Variants in HADHA observed in about 807,000 individuals in gnomAD.
The protein encoded by HADHA is trifunctional enzyme subunit alpha, mitochondrial.
Under a neutral mutation model 91.3 loss-of-function variants are expected in HADHA, and 59 were observed. The ratio of observed to expected loss-of-function variants is 0.65; its 90% CI spans 0.52 to 0.80. The LOEUF is 0.80. Among genes scored for constraint, HADHA ranks in the 30% least tolerant of loss-of-function variants. The pLI, the probability that HADHA is intolerant of heterozygous loss-of-function variation, is 0.00. For missense variants in HADHA, 800 were observed against 927.6 expected (o/e 0.86, Z 1.79); for synonymous variants, 320 against 338.9 (o/e 0.94, Z 0.61).
chr2:26,242,199 A>C (rs954270657), intron 1 of HADHA, among the ~76,000 whole-genome samples: 1 of 152,190 alleles, frequency 6.6e-6, no homozygotes, highest in African/African-American at 2.4e-5. Context: ...CCCTTTCAAG[A>C]GAATTTTATC....
At chr2:26,240,987 C>T (rs995789150) in intron 1 of HADHA, among the ~76,000 whole-genome samples, 2 of 152,184 alleles carry the variant, frequency 1.3e-5, no homozygotes, top group African/African-American at 4.8e-5. Flanking sequence ...TCAACCAAAT[C>T]AAGTCACACT....
chr2:26,208,253 A>G (rs113928127), intron 11 of HADHA, among the ~76,000 whole-genome samples: 4 of 152,108 alleles, frequency 2.6e-5, no homozygotes, highest in African/African-American at 9.7e-5. Context: ...CAGAATTTTC[A>G]TAAACTTCAG....
chr2:26,195,289 G>A, intron 14 of HADHA, 57 bp from the exon 15 acceptor site: 3 of 1,431,534 alleles, frequency 2.1e-6, no homozygotes, highest in Non-Finnish European at 2.0e-6. Flanking sequence ...GAACCTGAGA[G>A]CATTCCTTCT....
intron 7 of HADHA, among the ~76,000 whole-genome samples, chr2:26,228,165 C>G (rs1249240420): frequency 6.6e-6 from 1 of 151,464 alleles, no homozygotes; most frequent in Non-Finnish European, 1.5e-5. Context: ...GAGTCTCGCT[C>G]TGTCACCCAG....
intron 17 of HADHA, among the ~76,000 whole-genome samples, chr2:26,192,705 AG>A (rs1022469829): frequency 1.3e-5 from 2 of 152,110 alleles, no homozygotes; most frequent in African/African-American, 4.8e-5. Context: ...ACTGCACTCC[AG>A]CCTGGGCAAC....
At chr2:26,231,349 T>TG (rs1670617615) in intron 6 of HADHA, among the ~76,000 whole-genome samples, 1 of 152,190 alleles carries the variant, frequency 6.6e-6, no homozygotes, top group Non-Finnish European at 1.5e-5. Context: ...TAAGGTTCAG[T>TG]GGGCCCTTGA....
At chr2:26,223,436 G>A (rs1452184354) in intron 7 of HADHA, among the ~76,000 whole-genome samples, 2 of 152,138 alleles carry the variant, frequency 1.3e-5, no homozygotes, top group African/African-American at 4.8e-5. Context: ...AGGAATGAAG[G>A]TCACCCCACC....
chr2:26,227,644 C>T (rs1031924814), intron 7 of HADHA, among the ~76,000 whole-genome samples: 4 of 152,062 alleles, frequency 2.6e-5, no homozygotes, highest in Non-Finnish European at 5.9e-5. Flanking sequence ...AAGAGTATAA[C>T]CACTTTGGGA....
At chr2:26,193,877 T>G (rs1669585294) in intron 16 of HADHA, 105 bp from the exon 17 acceptor site, 3 of 876,074 alleles carry the variant, frequency 3.4e-6, no homozygotes, top group Non-Finnish European at 5.8e-6. Flanking sequence ...AACCCACTTC[T>G]GAGTGTCACC....
Position 26,232,229 on chromosome 2 carries a change from T to C in HADHA, c.504A>G (p.Val168=), listed in dbSNP as rs1004279547. Residue 168 remains valine (V), a synonymous_variant, in exon 6 of 20, where the codon GTA becomes GTG. Coordinates refer to ENST00000380649, the MANE Select transcript of HADHA (RefSeq NM_000182.5). ...YRIATKDRKT[V]LGTPEVLLGA... The stretch of plus-strand genomic sequence containing the variant: ...CCAGCAAAACTTCAGGGGTACCTAA[T>C]ACTGTTTTTCTGTCTTTTGTTGCTA... 13 of 1,603,928 alleles carry C rather than the reference T, an allele frequency of 8.1e-6. No individual in the cohort carries two copies. The highest frequency in any genetic ancestry group is 6.7e-5 in the African/African-American group (5 of 74,774).
intron 12 of HADHA, among the ~76,000 whole-genome samples, chr2:26,201,714 A>C (rs4665319): frequency 0.76 from 114,937 of 152,178 alleles, 43,397 homozygotes; most frequent in East Asian, 0.85. Context: ...AAGCAGCCAA[A>C]GTGTGTCTGA....
chr2:26,201,302 C>T lies in HADHA; in HGVS notation c.1239G>A (p.Lys413=). The T allele has an allele frequency of 6.2e-7, 1 of 1,609,916 alleles. No homozygotes were observed. The highest frequency in any genetic ancestry group is 8.5e-7 in the Non-Finnish European group (1 of 1,176,222). ...TTTCAAATGATGTTAGAGCTTTCTT[C>T]TTCACTTTGTCATTCAATCTAGAAA... ...QVFKGLNDKV[K]KKALTSFERD... is the part of the protein sequence containing the mutation. Residue 413 remains lysine (K), a synonymous_variant, in exon 13 of 20, where the codon AAG becomes AAA. Transcript: ENST00000380649.
chr2:26,201,240 T>G lies in HADHA; in HGVS notation c.1301A>C (p.Asp434Ala). ...SIFSNLTGQLDYQGFEKADMV... is the reference protein window; with the variant it reads ...SIFSNLTGQLAYQGFEKADMV... ...GTCGGCCTTTTCAAAACCTTGGTAA[T>G]CAAGCTGCCCAGTCAAGTTGCTGAA... The change falls in exon 13 of 20, where the codon GAT becomes GCT. Residue 434 changes from aspartate (D) to alanine (A), a missense_variant. Asp to Ala is a moderately radical substitution (Grantham distance 126). Transcript: ENST00000380649. The G allele has an allele frequency of 6.2e-7, 1 of 1,612,848 alleles. No homozygotes were observed. Among genetic ancestry groups the G allele is most frequent in the Non-Finnish European group, 8.5e-7 (1 of 1,178,792 alleles).
chr2:26,200,998 C>T (rs1391972994), intron 13 of HADHA, 151 bp downstream of exon 13: 4 of 702,288 alleles, frequency 5.7e-6, no homozygotes, highest in African/African-American at 1.8e-5. Flanking sequence ...TCCCAAACTA[C>T]TGGGATTATA....
At position 26,191,602 on chromosome 2, in the gene HADHA, C is replaced by T. The variant is rs1204190984; in HGVS notation, c.2027G>A (p.Arg676His). Residue 676 changes from arginine to histidine, a missense_variant, in exon 19 of 20, where the codon CGC becomes CAC. Arg to His is a conservative substitution (Grantham distance 29, BLOSUM62 0). Coordinates refer to ENST00000380649, the MANE Select transcript of HADHA (RefSeq NM_000182.5). ...EVSSDEDIQF[R>H]LVTRFVNEAV... ...CTCATTCACAAATCTTGTCACCAGG[C>T]GGAACTGGATGTCTTCGTCTGATGA... 1.3e-5 allele frequency: 21 copies of T among 1,613,914 alleles called. No homozygotes were observed. The highest frequency in any genetic ancestry group is 4.0e-5 in the African/African-American group (3 of 74,892).
rs551107625 is a variant in HADHA at position 26,203,734 on chromosome 2, G to A, written c.1220+328C>T. Reference sequence around the variant, plus strand: ...TTACCTGCAAACTATATCAAAATCCGCAGGCCTGATACGAAAGTGTAAAAT... The same window carrying A: ...TTACCTGCAAACTATATCAAAATCCACAGGCCTGATACGAAAGTGTAAAAT... On this transcript the variant is annotated intron_variant, in intron 12 of 19. Transcript: ENST00000380649. Among the ~76,000 whole-genome samples, 4 of 151,986 alleles carry A rather than the reference G, an allele frequency of 2.6e-5. No homozygotes were observed. The South Asian group carries it at 6.2e-4, about 24-fold the overall frequency.
intron 4 of HADHA, among the ~76,000 whole-genome samples, chr2:26,235,636 A>C (rs1322619265): frequency 6.6e-6 from 1 of 152,368 alleles, no homozygotes; most frequent in East Asian, 1.9e-4. Context: ...TTCTAGCTGA[A>C]TTATTTGTGC....
intron 11 of HADHA, among the ~76,000 whole-genome samples, chr2:26,204,712 T>A (rs1207472121): frequency 6.6e-6 from 1 of 152,110 alleles, no homozygotes; most frequent in Non-Finnish European, 1.5e-5. Flanking sequence ...GTCTCCTGAG[T>A]AGCTCGGACT....
At position 26,236,378 on chromosome 2, in the gene HADHA, CTCTGTG is replaced by C. The variant is rs1251180085; in HGVS notation, c.314+471_314+476del. On this transcript the variant is annotated intron_variant, in intron 4 of 19. Transcript: ENST00000380649. ...GTGTGTGTATATATATATATATATA[CTCTGTG>C]TGTGTGTGTGTGTGTGTGTGTGTGT... Among the ~76,000 whole-genome samples, 340 of 41,408 alleles carry C rather than the reference CTCTGTG, an allele frequency of 8.2e-3. 4 individuals are homozygous for C. Among genetic ancestry groups the C allele is most frequent in the African/African-American group, 0.018 (282 of 15,848 alleles). 27.2% of individuals were successfully genotyped at this position (41,408 alleles called of 152,430 possible). A position where few individuals can be genotyped will look rare whatever the true frequency, so the allele number is the denominator to read the frequency against.
Sources: allele counts gnomAD v4.1 joint callset (sites outside exome capture counted in the v4.1 genomes callset), GRCh38; gene constraint gnomAD v4.1.1; transcripts MANE v1.5; gene names NCBI Gene and HGNC (gene_info 2026-07-23, HGNC 2026-07-21).